Variants in CRACR2A observed in about 807,000 individuals in gnomAD.
CRACR2A encodes the protein EF-hand calcium-binding domain-containing protein 4B.
In CRACR2A, 79 loss-of-function variants were observed where a neutral mutation model predicts 90.5. That is an observed-to-expected ratio of 0.87 (90% CI 0.73 to 1.05). The LOEUF (loss-of-function observed/expected upper bound fraction) is 1.05, where lower values mean the gene tolerates loss of function less well. Ranked by LOEUF, CRACR2A falls within the 50% of genes least tolerant of loss-of-function variation. CRACR2A has a pLI of 0.00. For synonymous variants in CRACR2A, 338 were observed against 356.7 expected, an observed-to-expected ratio of 0.95 and a Z score of 0.59; for missense variants, 823 against 897.2, an observed-to-expected ratio of 0.92 and a Z score of 1.06.
At chr12:3,639,353 G>C (rs962933468) in intron 13 of CRACR2A, among the ~76,000 whole-genome samples, 1 of 152,124 alleles carries the variant, frequency 6.6e-6, no homozygotes, top group South Asian at 2.1e-4. Flanking sequence ...CTGGATGTGG[G>C]GGTCAATGCA....
intron 3 of CRACR2A, among the ~76,000 whole-genome samples, chr12:3,709,943 T>TCC (rs1945983780): frequency 6.6e-6 from 1 of 152,256 alleles, no homozygotes; most frequent in Admixed American, 6.5e-5. Context: ...ATTGTTATTA[T>TCC]TATCATTCCC....
At chr12:3,682,688 C>G (rs1945478896) in intron 4 of CRACR2A, among the ~76,000 whole-genome samples, 1 of 152,150 alleles carries the variant, frequency 6.6e-6, no homozygotes, top group African/African-American at 2.4e-5. Flanking sequence ...CCATAATTAT[C>G]TCTTATTTAT....
chr12:3,632,964 G>A (rs994147471), intron 15 of CRACR2A, among the ~76,000 whole-genome samples: 14 of 152,216 alleles, frequency 9.2e-5, no homozygotes, highest in African/African-American at 3.1e-4. Context: ...TCAACTGTGG[G>A]TGAAGGGATT....
chr12:3,619,495 A>G (rs935907946), intron 17 of CRACR2A, 123 bp from the exon 18 acceptor site: 2 of 718,364 alleles, frequency 2.8e-6, no homozygotes, highest in Admixed American at 4.8e-5. Context: ...ATAAAAGGTG[A>G]GGCCGTAACA....
intron 7 of CRACR2A, among the ~76,000 whole-genome samples, chr12:3,666,335 G>GCGTGTGTT (rs1945139856): frequency 1.5e-5 from 2 of 134,056 alleles, no homozygotes; most frequent in East Asian, 2.8e-4. Flanking sequence ...GGCTGCGTGT[G>GCGTGTGTT]TGTGTGTGTG....
At chr12:3,628,673 A>G (rs1944322799) in intron 15 of CRACR2A, among the ~76,000 whole-genome samples, 1 of 152,236 alleles carries the variant, frequency 6.6e-6, no homozygotes. Flanking sequence ...TTGCAAAGGC[A>G]TAAAGAGGTT....
chr12:3,623,526 C>T (rs1204630213), intron 17 of CRACR2A, among the ~76,000 whole-genome samples: 5 of 152,132 alleles, frequency 3.3e-5, no homozygotes, highest in Non-Finnish European at 5.9e-5. Context: ...CGACACAGGC[C>T]CCAGAGTCTT....
At chr12:3,722,467 T>C (rs1219779906) in intron 2 of CRACR2A, among the ~76,000 whole-genome samples, 2 of 152,132 alleles carry the variant, frequency 1.3e-5, no homozygotes, top group East Asian at 1.9e-4. Flanking sequence ...GTAAGGAGAC[T>C]AGACCCATGA....
intron 13 of CRACR2A, 79 bp downstream of exon 13, chr12:3,641,653 A>C (rs1944574044): frequency 6.3e-6 from 8 of 1,272,740 alleles, no homozygotes; most frequent in Non-Finnish European, 8.9e-6. Flanking sequence ...AGGGGTCAGC[A>C]GGCACTGAGT....
At chr12:3,729,890 G>A (rs1232191710) in intron 2 of CRACR2A, 1 of 152,192 alleles carries the variant, frequency 6.6e-6, no homozygotes, top group African/African-American at 2.4e-5. Flanking sequence ...CTGCCTTGGG[G>A]GGTCTGCTGA....
At chr12:3,621,636 G>C (rs1295257775) in intron 17 of CRACR2A, among the ~76,000 whole-genome samples, 1 of 39,432 alleles carries the variant, frequency 2.5e-5, no homozygotes, top group Non-Finnish European at 4.0e-5. Context: ...CAGTGACAGA[G>C]AGAGACTCTG....
At chr12:3,667,031 T>C (rs1945163054) in intron 7 of CRACR2A, among the ~76,000 whole-genome samples, 1 of 152,218 alleles carries the variant, frequency 6.6e-6, no homozygotes, top group Non-Finnish European at 1.5e-5. Flanking sequence ...AGAGTTGCCA[T>C]TCTGATTGCA....
At chr12:3,679,367 T>C (rs1483744524) in intron 5 of CRACR2A, among the ~76,000 whole-genome samples, 1 of 152,154 alleles carries the variant, frequency 6.6e-6, no homozygotes, top group Non-Finnish European at 1.5e-5. Context: ...TGGTTCTCAG[T>C]CCCTTAACAT....
intron 7 of CRACR2A, among the ~76,000 whole-genome samples, chr12:3,666,572 C>G (rs1945155204): frequency 6.6e-6 from 1 of 152,196 alleles, no homozygotes; most frequent in Non-Finnish European, 1.5e-5. Context: ...TTAGCGTTAA[C>G]TTATCCTGCC....
At chr12:3,712,657 C>A (rs539393968) in intron 3 of CRACR2A, among the ~76,000 whole-genome samples, 68 of 152,312 alleles carry the variant, frequency 4.5e-4, no homozygotes, top group Admixed American at 7.2e-4. Context: ...CTAGGGATTA[C>A]AATTCAACAT....
intron 15 of CRACR2A, among the ~76,000 whole-genome samples, chr12:3,632,673 C>T (rs1565465325): frequency 6.6e-6 from 1 of 152,230 alleles, no homozygotes; most frequent in South Asian, 2.1e-4. Flanking sequence ...GTGAACAAGC[C>T]TCTAACCTCT....
Position 3,615,459 on chromosome 12 carries a change from C to A in CRACR2A, c.2112-20G>T. On this transcript the variant is annotated intron_variant, in intron 19 of 19. Coordinates refer to ENST00000440314, the MANE Select transcript of CRACR2A (RefSeq NM_001144958.2). The stretch of plus-strand genomic sequence containing the variant: ...AGGAACCTGGGAGAGGGGAAGAGAT[C>A]GTGTCAGTGATGGAGAAGTTGATAG... The A allele has an allele frequency of 1.3e-6, 2 of 1,540,182 alleles. No homozygotes were observed. Among genetic ancestry groups the A allele is most frequent in the Non-Finnish European group, 1.8e-6 (2 of 1,140,342 alleles).
At chr12:3,638,071 A>C in intron 14 of CRACR2A, 53 bp downstream of exon 14, 2 of 1,470,406 alleles carry the variant, frequency 1.4e-6, no homozygotes, top group Non-Finnish European at 1.8e-6. Flanking sequence ...CTCAAATGCA[A>C]GAGACAGATC....
chr12:3,655,388 C>A (rs201767913), intron 9 of CRACR2A, among the ~76,000 whole-genome samples: 1 of 152,180 alleles, frequency 6.6e-6, no homozygotes, highest in South Asian at 2.1e-4. Flanking sequence ...GGAAAGAGAC[C>A]TAAATTCATA....
Sources: allele counts gnomAD v4.1 joint callset (sites outside exome capture counted in the v4.1 genomes callset), GRCh38; gene constraint gnomAD v4.1.1; transcripts MANE v1.5; gene names NCBI Gene and HGNC (gene_info 2026-07-23, HGNC 2026-07-21).